The following ELOVL5 variants were observed in gnomAD, a reference collection of about 807,000 sequenced individuals.
ELOVL5 encodes the protein ELOVL fatty acid elongase 5.
ELOVL5 carries 8 observed loss-of-function variants against 38.6 expected under a neutral mutation model. The observed-to-expected ratio is 0.21, with a 90% CI of 0.12 to 0.37. ELOVL5 has a LOEUF of 0.37. Ranked by LOEUF, ELOVL5 falls within the 10% of genes least tolerant of loss-of-function variation. ELOVL5 has a pLI of 1.00. For missense variants in ELOVL5, 280 were observed against 367.8 expected (o/e 0.76, Z 1.95); for synonymous variants, 127 against 133.7 (o/e 0.95, Z 0.34).
chr6:53,312,795 A>T (rs1767897203), intron 1 of ELOVL5, among the ~76,000 whole-genome samples: 2 of 152,256 alleles, frequency 1.3e-5, no homozygotes, highest in Non-Finnish European at 2.9e-5. Context: ...TTGATTTTTT[A>T]AAAATTCAAT....
chr6:53,335,297 T>C (rs1769006133), intron 1 of ELOVL5, among the ~76,000 whole-genome samples: 1 of 152,214 alleles, frequency 6.6e-6, no homozygotes, highest in Admixed American at 6.5e-5. Context: ...TGACCAAACC[T>C]GTCCCTGTGG....
intron 1 of ELOVL5, among the ~76,000 whole-genome samples, chr6:53,334,828 A>G (rs1479962082): frequency 6.6e-6 from 1 of 152,054 alleles, no homozygotes; most frequent in Non-Finnish European, 1.5e-5. Flanking sequence ...CCAGCCCCCA[A>G]AGCAGGGTGG....
Position 53,268,427 on chromosome 6 carries a change from C to CT in ELOVL5, c.*699dup, listed in dbSNP as rs1180196292. 1 of 151,860 alleles carries CT rather than the reference C, an allele frequency of 6.6e-6. No homozygotes were observed. 9.4% of individuals were successfully genotyped at this position (151,860 alleles called of 1,614,324 possible). ...ATCACGACTGCTGTAGAGCCCCCCC[C>CT]TTTTTACATTAATAGTGGCACTCAA... is the stretch of plus-strand genomic sequence containing the variant. On this transcript the variant is annotated 3_prime_UTR_variant, in exon 8 of 8. Coordinates refer to ENST00000304434, the MANE Select transcript of ELOVL5 (RefSeq NM_021814.5).
intron 1 of ELOVL5, among the ~76,000 whole-genome samples, chr6:53,309,272 GGGGCAGTAT>G (rs1024655432): frequency 5.3e-5 from 8 of 152,148 alleles, no homozygotes; most frequent in African/African-American, 1.9e-4. Flanking sequence ...ATATTGAACT[GGGGCAGTAT>G]GGAACACTGC....
At chr6:53,329,582 G>A (rs947718481) in intron 1 of ELOVL5, among the ~76,000 whole-genome samples, 1 of 152,122 alleles carries the variant, frequency 6.6e-6, no homozygotes, top group Non-Finnish European at 1.5e-5. Flanking sequence ...CCAAGACTTT[G>A]GAAGGCTGAG....
At position 53,304,175 on chromosome 6, in the gene ELOVL5, A is replaced by C. The variant is rs186162745; in HGVS notation, c.-8-8468T>G. On this transcript the variant is annotated intron_variant, in intron 1 of 7. Coordinates refer to ENST00000304434, the MANE Select transcript of ELOVL5 (RefSeq NM_021814.5). ...GGTGATACTATAAATGAGGAGATAC[A>C]CCTGTTATTACAAAATAAAAAGAAA... Among the ~76,000 whole-genome samples, 666 of 152,342 alleles carry C rather than the reference A, an allele frequency of 4.4e-3. 8 individuals carry two copies. Among genetic ancestry groups the C allele is most frequent in the African/African-American group, 0.015 (643 of 41,582 alleles).
intron 1 of ELOVL5, among the ~76,000 whole-genome samples, chr6:53,303,997 C>T (rs1310704983): frequency 6.6e-6 from 1 of 152,192 alleles, no homozygotes; most frequent in Non-Finnish European, 1.5e-5. Context: ...GCTGTCTAGA[C>T]AACTCATTTA....
chr6:53,303,043 G>A (rs1581952736), intron 1 of ELOVL5, among the ~76,000 whole-genome samples: 1 of 152,086 alleles, frequency 6.6e-6, no homozygotes, highest in South Asian at 2.1e-4. Context: ...GTTAACGTTA[G>A]GCAGGCATGG....
At chr6:53,343,196 T>C (rs1434507666) in intron 1 of ELOVL5, among the ~76,000 whole-genome samples, 3 of 134,746 alleles carry the variant, frequency 2.2e-5, no homozygotes, top group African/African-American at 8.7e-5. Context: ...TTTCCCTCCC[T>C]CCCTCCCTCC....
intron 1 of ELOVL5, among the ~76,000 whole-genome samples, chr6:53,298,905 G>C (rs377613926): frequency 6.7e-6 from 1 of 149,602 alleles, no homozygotes; most frequent in Non-Finnish European, 1.5e-5. Flanking sequence ...CAAGGCGGGG[G>C]GGGGGAGTTG....
chr6:53,296,172 T>TAC (rs1766996635), intron 1 of ELOVL5, among the ~76,000 whole-genome samples: 1 of 152,014 alleles, frequency 6.6e-6, no homozygotes, highest in South Asian at 2.1e-4. Flanking sequence ...TATTTTACAG[T>TAC]ACTTCATATC....
intron 1 of ELOVL5, among the ~76,000 whole-genome samples, chr6:53,315,439 C>T (rs556656374): frequency 3.0e-4 from 46 of 152,222 alleles, no homozygotes; most frequent in African/African-American, 1.1e-3. Flanking sequence ...AAGAGATAAA[C>T]GAATGACTGT....
In ELOVL5 at chr6:53,348,806, G is replaced by T. The variant is rs1264096369; in HGVS notation, c.-9+11C>A. On this transcript the variant is annotated intron_variant, in intron 1 of 7. Transcript: ENST00000304434. ...GCCCCCGACGAAGTTTCCCGGAGCT[G>T]ACGGCTTTACCTTTTAGCCCAAGGG... 1 of 455,164 alleles carries T rather than the reference G, an allele frequency of 2.2e-6. No homozygotes were observed. The highest frequency in any genetic ancestry group is 2.4e-5 in the Admixed American group (1 of 42,550). The allele number at this position is 455,164 out of a possible 1,614,324, so 28.2% of individuals were successfully genotyped here.
chr6:53,342,641 A>G (rs1435959301), intron 1 of ELOVL5, among the ~76,000 whole-genome samples: 2 of 152,246 alleles, frequency 1.3e-5, no homozygotes, highest in African/African-American at 2.4e-5. Context: ...AATCACAGGT[A>G]TATTTCAATA....
intron 3 of ELOVL5, among the ~76,000 whole-genome samples, chr6:53,281,310 G>A (rs529222629): frequency 1.3e-5 from 2 of 152,294 alleles, no homozygotes; most frequent in South Asian, 4.1e-4. Flanking sequence ...CCAAGAATAC[G>A]TAGGGTTGAC....
intron 3 of ELOVL5, among the ~76,000 whole-genome samples, chr6:53,284,811 A>G (rs959426475): frequency 6.6e-6 from 1 of 152,058 alleles, no homozygotes; most frequent in South Asian, 2.1e-4. Flanking sequence ...CACTATTATT[A>G]TATCTGTTGT....
chr6:53,306,223 AGGG>A (rs1417725806), intron 1 of ELOVL5, among the ~76,000 whole-genome samples: 1 of 21,676 alleles, frequency 4.6e-5, no homozygotes, highest in African/African-American at 5.0e-4. Context: ...GAGAGGGGAG[AGGG>A]GAGAGGGGAG....
chr6:53,305,048 C>T (rs1361342652), intron 1 of ELOVL5, among the ~76,000 whole-genome samples: 4 of 148,916 alleles, frequency 2.7e-5, no homozygotes, highest in Admixed American at 6.6e-5. Context: ...GCTGGCCGGG[C>T]GGGGGGCTGA....
chr6:53,317,586 C>A (rs1027140245), intron 1 of ELOVL5, among the ~76,000 whole-genome samples: 13 of 151,650 alleles, frequency 8.6e-5, no homozygotes, highest in African/African-American at 2.9e-4. Context: ...TGGGTGGGAA[C>A]TGAACAATGA....
Sources: gnomAD v4.1 joint callset for allele counts (sites outside exome capture counted in the v4.1 genomes callset) on GRCh38, gnomAD v4.1.1 for gene constraint, MANE v1.5 for transcripts, NCBI Gene and HGNC (gene_info 2026-07-23, HGNC 2026-07-21) for gene names.